NFAT5: variants seen among roughly 807,000 people sequenced by gnomAD.
NFAT5 encodes nuclear factor of activated T-cells 5.
In NFAT5, 31 loss-of-function variants were observed where a neutral mutation model predicts 166.5. That is an observed-to-expected ratio of 0.19 (90% confidence interval 0.14 to 0.25). The LOEUF (loss-of-function observed/expected upper bound fraction) is 0.25, where lower values mean the gene tolerates loss of function less well. Among genes scored for constraint, NFAT5 ranks in the 10% least tolerant of loss-of-function variants. The probability of loss-of-function intolerance (pLI) is 1.00; values close to 1 mark genes in which losing one functional copy is unlikely to be tolerated. For synonymous variants in NFAT5, 612 were observed against 639.7 expected (o/e 0.96, Z 0.65); for missense variants, 1,449 against 1,821.8 (o/e 0.80, Z 3.72).
At chr16:69,609,420 A>T (rs568280162) in intron 2 of NFAT5, among the ~76,000 whole-genome samples, 41 of 152,346 alleles carry the variant, frequency 2.7e-4, no homozygotes, top group Admixed American at 8.5e-4. Flanking sequence ...GGTTAAAAAA[A>T]ATATACATAT....
At chr16:69,610,525 G>A (rs185857391) in intron 2 of NFAT5, among the ~76,000 whole-genome samples, 162 of 152,292 alleles carry the variant, frequency 1.1e-3, no homozygotes, top group Admixed American at 1.8e-3. Context: ...AATATAGTAA[G>A]TAAAATAGAT....
At chr16:69,638,196 G>A (rs776492617) in intron 3 of NFAT5, among the ~76,000 whole-genome samples, 1 of 151,944 alleles carries the variant, frequency 6.6e-6, no homozygotes, top group Non-Finnish European at 1.5e-5. Context: ...TCCAGCCTGG[G>A]CGACAGAGTG....
At chr16:69,609,738 C>T (rs922823124) in intron 2 of NFAT5, among the ~76,000 whole-genome samples, 4 of 142,750 alleles carry the variant, frequency 2.8e-5, no homozygotes, top group East Asian at 4.3e-4. Flanking sequence ...ACCGGCACTT[C>T]GAGAGGCCAA....
chr16:69,679,935 G>T (rs990935113), intron 10 of NFAT5, among the ~76,000 whole-genome samples: 1 of 151,980 alleles, frequency 6.6e-6, no homozygotes, highest in Non-Finnish European at 1.5e-5. Context: ...TGGCTAACAC[G>T]GTGAAACCCA....
intron 3 of NFAT5, among the ~76,000 whole-genome samples, chr16:69,640,137 A>G (rs2035140339): frequency 6.6e-6 from 1 of 152,152 alleles, no homozygotes; most frequent in Non-Finnish European, 1.5e-5. Context: ...CTTAACTTGC[A>G]TTCTAGCTTC....
At chr16:69,578,578 A>G (rs2031455172) in intron 2 of NFAT5, among the ~76,000 whole-genome samples, 1 of 152,234 alleles carries the variant, frequency 6.6e-6, no homozygotes, top group Non-Finnish European at 1.5e-5. Context: ...CTCGTGTTTA[A>G]GTGTGTCTTA....
At position 69,673,723 on chromosome 16, in the gene NFAT5, AC is replaced by A. The variant is rs1435390636; in HGVS notation, c.1557+3436del. Reference sequence around the variant, plus strand: ...GGGTGACAGTGAGACCCTGTCTCAAACAAAAAAAAAAGACAACACACTTTGG... The same window carrying A: ...GGGTGACAGTGAGACCCTGTCTCAAAAAAAAAAAAAGACAACACACTTTGG... On this transcript the variant is annotated intron_variant, in intron 9 of 14. Coordinates refer to ENST00000349945, the MANE Select transcript of NFAT5 (RefSeq NM_138713.4). 1.2e-4 allele frequency among the ~76,000 whole-genome samples: 19 copies of A among 152,248 alleles called. 1 individual carries two copies. The South Asian group carries it at 3.7e-3, about 30-fold the overall frequency.
At chr16:69,615,222 C>T (rs1262193464) in intron 2 of NFAT5, among the ~76,000 whole-genome samples, 5 of 151,886 alleles carry the variant, frequency 3.3e-5, no homozygotes, top group Non-Finnish European at 7.4e-5. Flanking sequence ...TTGTATTTTA[C>T]TAGAGACGAC....
chr16:69,689,955 G>A (rs764097222), intron 11 of NFAT5, among the ~76,000 whole-genome samples: 3 of 152,104 alleles, frequency 2.0e-5, no homozygotes, highest in Admixed American at 6.6e-5. Flanking sequence ...ATTTCTTCTC[G>A]ATATCAAATT....
chr16:69,684,557 C>T (rs113564156), intron 10 of NFAT5, among the ~76,000 whole-genome samples: 12 of 151,402 alleles, frequency 7.9e-5, no homozygotes, highest in African/African-American at 2.7e-4. Context: ...GAGACTCTGT[C>T]GCAAAAAAAA....
Position 69,566,195 on chromosome 16 carries a change from C to G in NFAT5, c.-107C>G. 1 of 950,242 alleles carries G rather than the reference C, an allele frequency of 1.1e-6. No individual in the cohort carries two copies. The highest frequency in any genetic ancestry group is 1.6e-6 in the Non-Finnish European group (1 of 637,014). 58.9% of individuals were successfully genotyped at this position (950,242 alleles called of 1,614,324 possible). The stretch of plus-strand genomic sequence containing the variant: ...AGGAGGAGGCAGCGGCAGCCGCCCT[C>G]GCGTCGCCGCCCCCGGTTCGGTGCC... On this transcript the variant is annotated 5_prime_UTR_variant, in exon 1 of 15. Transcript: ENST00000349945. This position sits in a 1 kb window ranked among gnomAD's most constrained non-coding sequence, Gnocchi z 5.7.
intron 2 of NFAT5, among the ~76,000 whole-genome samples, chr16:69,600,026 G>A (rs539421689): frequency 4.6e-5 from 7 of 152,246 alleles, no homozygotes; most frequent in Non-Finnish European, 7.4e-5. Context: ...AATCAATTAG[G>A]AGGTAATTGA....
intron 7 of NFAT5, among the ~76,000 whole-genome samples, chr16:69,661,601 A>AT (rs1275804344): frequency 7.1e-6 from 1 of 140,182 alleles, no homozygotes; most frequent in East Asian, 2.3e-4. Context: ...TTTGTTTTTA[A>AT]TTTTTATTGT....
At chr16:69,662,495 T>C (rs8056135) in intron 7 of NFAT5, among the ~76,000 whole-genome samples, 6,059 of 142,136 alleles carry the variant, frequency 0.043, 450 homozygotes, top group African/African-American at 0.15. Flanking sequence ...CTCGCTCTGT[T>C]GCCCAGGCTG....
At chr16:69,657,161 T>TG (rs2035914865) in intron 6 of NFAT5, among the ~76,000 whole-genome samples, 1 of 151,866 alleles carries the variant, frequency 6.6e-6, no homozygotes, top group Admixed American at 6.6e-5. Context: ...GAGGGAGTCT[T>TG]GCTTTGTTGC....
chr16:69,634,687 TCAAACTTACTTACAAACACA>T, intron 3 of NFAT5, among the ~76,000 whole-genome samples: 1 of 152,316 alleles, frequency 6.6e-6, no homozygotes, highest in East Asian at 1.9e-4. Context: ...ATTCTCTAGA[TCAAACTTACTTACAAACACA>T]CACACAACAT....
At chr16:69,677,098 T>C in intron 9 of NFAT5, 105 bp from the exon 10 acceptor site, 1 of 1,074,866 alleles carries the variant, frequency 9.3e-7, no homozygotes, top group Non-Finnish European at 1.3e-6. Context: ...CTTTTTTTTT[T>C]AATCACTTTT....
intron 2 of NFAT5, among the ~76,000 whole-genome samples, chr16:69,576,030 C>T (rs2016726038): frequency 2.0e-5 from 3 of 151,922 alleles, no homozygotes; most frequent in Admixed American, 6.6e-5. Context: ...AGGCCGGGCT[C>T]GGTGGCTCAC....
intron 11 of NFAT5, among the ~76,000 whole-genome samples, chr16:69,689,525 A>G (rs2037463138): frequency 6.6e-6 from 1 of 152,348 alleles, no homozygotes; most frequent in South Asian, 2.1e-4. Flanking sequence ...GAAAATTGCA[A>G]ATATTTTTAG....
Sources: gnomAD v4.1 joint callset for allele counts (sites outside exome capture counted in the v4.1 genomes callset) on GRCh38, gnomAD v4.1.1 for gene constraint, Gnocchi (gnomAD v3.1) non-coding constraint, MANE v1.5 for transcripts, NCBI Gene and HGNC (gene_info 2026-07-23, HGNC 2026-07-21) for gene names.